Variants in THSD4 observed in about 807,000 individuals in gnomAD.
The protein encoded by THSD4 is thrombospondin type 1 domain containing 4.
Under a neutral mutation model 119.0 loss-of-function variants are expected in THSD4, and 69 were observed. The ratio of observed to expected loss-of-function variants is 0.58; its 90% CI spans 0.48 to 0.71. THSD4 has a LOEUF of 0.71. Ranked by LOEUF, THSD4 falls within the 30% of genes least tolerant of loss-of-function variation. THSD4 has a pLI of 0.00. For synonymous variants in THSD4, 524 were observed against 540.4 expected, an observed-to-expected ratio of 0.97 and a Z score of 0.42; for missense variants, 1,393 against 1,391.1, an observed-to-expected ratio of 1.00 and a Z score of -0.02.
chr15:71,348,147 T>G (rs755180686), intron 6 of THSD4: 3 of 152,228 alleles, frequency 2.0e-5, no homozygotes, highest in Non-Finnish European at 4.4e-5. Context: ...AATGCTTGTT[T>G]TCAGGTCATC....
At chr15:71,149,205 G>A (rs36099591) in intron 2 of THSD4, among the ~76,000 whole-genome samples, 61,897 of 151,526 alleles carry the variant, frequency 0.41, 15,505 homozygotes, top group Middle Eastern at 0.6. Context: ...GTCAGAAGAA[G>A]GCAGAGGGCT....
chr15:71,217,789 C>CTTT (rs11413853), intron 4 of THSD4, among the ~76,000 whole-genome samples: 2 of 137,762 alleles, frequency 1.5e-5, no homozygotes, highest in Non-Finnish European at 1.6e-5. Flanking sequence ...AGGCACTGTT[C>CTTT]TTTTTTTTTT....
At chr15:71,405,137 C>G (rs534052390) in intron 6 of THSD4, among the ~76,000 whole-genome samples, 45 of 152,294 alleles carry the variant, frequency 3.0e-4, no homozygotes, top group South Asian at 8.3e-4. Context: ...AATCCACCCA[C>G]CTTGGCCTCC....
chr15:71,562,723 A>G (rs2049148958), intron 7 of THSD4, among the ~76,000 whole-genome samples: 1 of 144,872 alleles, frequency 6.9e-6, no homozygotes, highest in South Asian at 2.2e-4. Context: ...CTTTTCTGAA[A>G]CGGAGTTTGG....
intron 7 of THSD4, among the ~76,000 whole-genome samples, chr15:71,647,124 A>G (rs1196166959): frequency 1.3e-5 from 2 of 152,246 alleles, no homozygotes. Flanking sequence ...GAAAATTAAG[A>G]ATTTCAAGGT....
intron 6 of THSD4, among the ~76,000 whole-genome samples, chr15:71,399,500 T>G (rs1306962029): frequency 6.6e-6 from 1 of 152,246 alleles, no homozygotes; most frequent in Non-Finnish European, 1.5e-5. Context: ...GGCCTCCTGA[T>G]GGCTGCAGTC....
At chr15:71,713,718 A>G (rs10438366) in intron 8 of THSD4, among the ~76,000 whole-genome samples, 31,309 of 152,048 alleles carry the variant, frequency 0.21, 5,226 homozygotes, top group African/African-American at 0.46. Flanking sequence ...TCTACCCCAG[A>G]TAAATTCATT....
chr15:71,535,108 A>G (rs1181693624), intron 7 of THSD4, among the ~76,000 whole-genome samples: 1 of 152,216 alleles, frequency 6.6e-6, no homozygotes, highest in Non-Finnish European at 1.5e-5. Flanking sequence ...AAGTAATCCT[A>G]TACCCATTAG....
At chr15:71,112,142 C>T, upstream of THSD4, 1 of 1,613,626 alleles carries the variant, frequency 6.2e-7, no homozygotes, top group Non-Finnish European at 8.5e-7. Flanking sequence ...ATTTGGGAGC[C>T]CTCACCACGT....
chr15:71,727,235 T>C (rs12916372), intron 8 of THSD4, among the ~76,000 whole-genome samples: 80,790 of 151,824 alleles, frequency 0.53, 25,743 homozygotes, highest in East Asian at 0.81. Flanking sequence ...ACGATTAAAT[T>C]TGACAGTGCA....
intron 6 of THSD4, among the ~76,000 whole-genome samples, chr15:71,386,941 C>T (rs940673877): frequency 3.3e-5 from 5 of 152,144 alleles, no homozygotes; most frequent in African/African-American, 9.7e-5. Flanking sequence ...ATTCTGTTCG[C>T]CTCGTAATCA....
chr15:71,772,816 T>C (rs979309994), intron 17 of THSD4, among the ~76,000 whole-genome samples: 1 of 152,208 alleles, frequency 6.6e-6, no homozygotes, highest in African/African-American at 2.4e-5. Flanking sequence ...TTCCATTGTA[T>C]TGAGACCACA....
intron 8 of THSD4, among the ~76,000 whole-genome samples, chr15:71,685,789 A>G (rs2051895588): frequency 6.6e-6 from 1 of 152,236 alleles, no homozygotes; most frequent in East Asian, 1.9e-4. Context: ...ATCTGAAACC[A>G]CATCAATAAA....
chr15:71,660,836 C>T, intron 8 of THSD4, 102 bp downstream of exon 8: 6 of 1,348,604 alleles, frequency 4.4e-6, no homozygotes, highest in Non-Finnish European at 5.1e-6. Context: ...AGTCCCGGGG[C>T]ATGCAGGCAG....
chr15:71,660,588 G>A lies in THSD4; in HGVS notation c.1211G>A (p.Cys404Tyr). The A allele has an allele frequency of 6.2e-7, 1 of 1,614,188 alleles. No homozygotes were observed. Among genetic ancestry groups the A allele is most frequent in the Non-Finnish European group, 8.5e-7 (1 of 1,180,028 alleles). ...SDKVVDKCGVCGGDNTGCQVV... is the reference protein window; with the variant it reads ...SDKVVDKCGVYGGDNTGCQVV... Reference sequence around the variant, plus strand: ...AAAGTCGTGGACAAATGTGGGGTGTGTGGAGGAGACAACACGGGCTGTCAG... The same window carrying A: ...AAAGTCGTGGACAAATGTGGGGTGTATGGAGGAGACAACACGGGCTGTCAG... The change falls in exon 8 of 18, where the codon TGT (cysteine) becomes TAT (tyrosine). Residue 404 changes from cysteine to tyrosine, a missense_variant. By Grantham distance (194) the Cys-to-Tyr change is radical. Transcript: ENST00000261862.
chr15:71,435,170 T>C (rs2046995848), intron 7 of THSD4, among the ~76,000 whole-genome samples: 1 of 152,326 alleles, frequency 6.6e-6, no homozygotes, highest in African/African-American at 2.4e-5. Context: ...TCATTTTTTT[T>C]TTCTTCTTAG....
intron 7 of THSD4, among the ~76,000 whole-genome samples, chr15:71,652,437 A>G (rs2051111007): frequency 6.6e-6 from 1 of 152,238 alleles, no homozygotes. Flanking sequence ...ATAATAGAGC[A>G]ATTATCACTG....
At chr15:71,216,512 G>A (rs2043933979) in intron 4 of THSD4, among the ~76,000 whole-genome samples, 1 of 152,236 alleles carries the variant, frequency 6.6e-6, no homozygotes, top group Non-Finnish European at 1.5e-5. Context: ...TGGTGCAGTA[G>A]GGGTTTGGAG....
chr15:71,745,037 GC>G (rs1456984389), intron 11 of THSD4, 68 bp from the exon 12 acceptor site: 5 of 1,547,920 alleles, frequency 3.2e-6, no homozygotes, highest in Non-Finnish European at 4.4e-6. Flanking sequence ...GAATCTCTGT[GC>G]ATCTCCACCC....
Sources: allele counts gnomAD v4.1 joint callset (sites outside exome capture counted in the v4.1 genomes callset), GRCh38; gene constraint gnomAD v4.1.1; transcripts MANE v1.5; gene names NCBI Gene and HGNC (gene_info 2026-07-23, HGNC 2026-07-21).